ZSCAN2: variants seen among roughly 807,000 people sequenced by gnomAD.
ZSCAN2 encodes the protein zinc finger and SCAN domain containing 2.
A neutral mutation model predicts 47.8 loss-of-function variants in ZSCAN2; 26 were observed. That is an observed-to-expected ratio of 0.54 (90% CI 0.40 to 0.75). The LOEUF (loss-of-function observed/expected upper bound fraction) is 0.75. Among genes scored for constraint, ZSCAN2 ranks in the 30% least tolerant of loss-of-function variants. The pLI is 0.00. For synonymous variants in ZSCAN2, 305 were observed against 288.7 expected (o/e 1.06, Z -0.57); for missense variants, 732 against 785.4 (o/e 0.93, Z 0.81).
Position 84,619,303 on chromosome 15 carries a change from G to A in ZSCAN2, c.407-1299G>A, listed in dbSNP as rs563042680. The stretch of plus-strand genomic sequence containing the variant: ...AAATTAGCCGGGTGTGGTGGTGGGC[G>A]CCTGTAGTCCCAGCTACTCGGGAGG... On this transcript the variant is annotated intron_variant, in intron 2 of 2. Coordinates refer to ENST00000546148, the MANE Select transcript of ZSCAN2 (RefSeq NM_181877.4). 1.2e-4 allele frequency among the ~76,000 whole-genome samples: 18 copies of A among 152,124 alleles called. No homozygotes were observed. The South Asian group carries it at 2.1e-3, about 18-fold the overall frequency.
At chr15:84,612,578 CA>C (rs1233866161) in intron 2 of ZSCAN2, among the ~76,000 whole-genome samples, 14 of 151,748 alleles carry the variant, frequency 9.2e-5, no homozygotes, top group African/African-American at 2.9e-4. Flanking sequence ...ACTAAAAATA[CA>C]AAAAAATTAG....
intron 2 of ZSCAN2, among the ~76,000 whole-genome samples, chr15:84,604,894 C>T (rs757912689): frequency 7.9e-5 from 12 of 152,086 alleles, no homozygotes; most frequent in Admixed American, 4.6e-4. Flanking sequence ...TGCGCCACCA[C>T]GCCCGGCTAA....
chr15:84,615,204 T>G (rs1007837707), intron 2 of ZSCAN2, among the ~76,000 whole-genome samples: 1 of 152,204 alleles, frequency 6.6e-6, no homozygotes, highest in Non-Finnish European at 1.5e-5. Context: ...TCCGCCTGCC[T>G]CAGCCCCCCA....
intron 2 of ZSCAN2, among the ~76,000 whole-genome samples, chr15:84,612,746 A>G (rs1302285141): frequency 6.6e-6 from 1 of 152,144 alleles, no homozygotes; most frequent in Non-Finnish European, 1.5e-5. Context: ...AAAGAAAAAA[A>G]AAAGGGGGAA....
chr15:84,614,568 G>A (rs930856655), intron 2 of ZSCAN2: 1 of 152,148 alleles, frequency 6.6e-6, no homozygotes, highest in Non-Finnish European at 1.5e-5. Flanking sequence ...ATTAATTTGT[G>A]TATGTTCAAA....
Position 84,621,101 on chromosome 15 carries a change from G to C in ZSCAN2, c.906G>C (p.Gly302=). ...TAACCCACCAGAGGATCCACACGGG[G>C]GAAAAGCCCTTCCAGTGTGCCGAGT... ...NLITHQRIHT[G]EKPFQCAECG... Residue 302 remains glycine, a synonymous_variant, in exon 3 of 3, where the codon GGG becomes GGC. Transcript: ENST00000546148. This position sits in a 1 kb window ranked among gnomAD's most constrained non-coding sequence, Gnocchi z 5.7. 6.2e-7 allele frequency: 1 copy of C among 1,613,444 alleles called. No homozygotes were observed. Among genetic ancestry groups the C allele is most frequent in the Non-Finnish European group, 8.5e-7 (1 of 1,179,748 alleles).
chr15:84,616,733 G>C, intron 2 of ZSCAN2: 1 of 990,696 alleles, frequency 1.0e-6, no homozygotes, highest in Non-Finnish European at 1.2e-6. Flanking sequence ...AATGTTTTTG[G>C]TCATGTTAGT....
intron 2 of ZSCAN2, among the ~76,000 whole-genome samples, chr15:84,607,654 G>T (rs1470632554): frequency 6.6e-6 from 1 of 152,014 alleles, no homozygotes; most frequent in African/African-American, 2.4e-5. Flanking sequence ...GATTACAGGT[G>T]CGTGCTACCG....
rs533589361 is a variant in ZSCAN2 at position 84,610,766 on chromosome 15, C to T, written c.406+6433C>T. Among the ~76,000 whole-genome samples, 10 of 152,140 alleles carry T rather than the reference C, an allele frequency of 6.6e-5. No homozygotes were observed. The East Asian group carries it at 1.7e-3, about 26-fold the overall frequency. On this transcript the variant is annotated intron_variant, in intron 2 of 2. Transcript: ENST00000546148. ...CCTCCCAAGGTGCAGGGATTACAGG[C>T]GTGAGCCACTGCACCCAGCCAAAAC... is the stretch of plus-strand genomic sequence containing the variant.
In ZSCAN2 at chr15:84,620,905, T is replaced by C; in HGVS notation, c.710T>C (p.Leu237Pro). ...AAGACCTTCAGCCGGAAATCCCACCTCATCACACACGAGAGGACCCACACA... is the reference window on the plus strand; with the variant it reads ...AAGACCTTCAGCCGGAAATCCCACCCCATCACACACGAGAGGACCCACACA... The part of the protein sequence containing the change: ...CGKTFSRKSH[L>P]ITHERTHTGE... The change falls in exon 3 of 3, where the codon CTC becomes CCC. Residue 237 changes from leucine (L) to proline (P), a missense_variant. Leu to Pro is a moderately conservative substitution (Grantham distance 98). Coordinates refer to ENST00000546148, the MANE Select transcript of ZSCAN2 (RefSeq NM_181877.4). 1 of 1,614,104 alleles carries C rather than the reference T, an allele frequency of 6.2e-7. No homozygotes were observed. The highest frequency in any genetic ancestry group is 1.3e-5 in the African/African-American group (1 of 75,010).
At chr15:84,601,259 C>A (rs114775357) in intron 1 of ZSCAN2, 124 bp downstream of exon 1, 5 of 152,250 alleles carry the variant, frequency 3.3e-5, no homozygotes, top group Admixed American at 2.0e-4. Context: ...GGTCGCGCTC[C>A]GTATCCTGCG....
Position 84,620,768 on chromosome 15 carries a change from C to G in ZSCAN2, c.573C>G (p.Ser191Arg). The G allele has an allele frequency of 6.2e-7, 1 of 1,614,126 alleles. No individual in the cohort carries two copies. The highest frequency in any genetic ancestry group is 1.3e-5 in the African/African-American group (1 of 75,024). Reference sequence around the variant, plus strand: ...GCATCCAGAGGCTCCAGGGACACAGCCCAGGTGAGGACCACGGGGAGGTGG... The same window carrying G: ...GCATCCAGAGGCTCCAGGGACACAGGCCAGGTGAGGACCACGGGGAGGTGG... ...DAGIQRLQGH[S>R]PGEDHGEVVS... Residue 191 changes from serine to arginine, a missense_variant, in exon 3 of 3, where the codon AGC becomes AGG. Physicochemically the swap from Ser to Arg is moderately radical, Grantham distance 110. Coordinates refer to ENST00000546148, the MANE Select transcript of ZSCAN2 (RefSeq NM_181877.4).
chr15:84,601,577 G>C (rs912184060), intron 1 of ZSCAN2, among the ~76,000 whole-genome samples: 6 of 152,088 alleles, frequency 3.9e-5, no homozygotes, highest in Non-Finnish European at 7.4e-5. Flanking sequence ...GTAAATACAC[G>C]TTGAGAGCTT....
At chr15:84,608,191 A>G (rs999786514) in intron 2 of ZSCAN2, among the ~76,000 whole-genome samples, 1 of 151,262 alleles carries the variant, frequency 6.6e-6, no homozygotes, top group Admixed American at 6.6e-5. Context: ...CTCTCCCTTC[A>G]GTATCATGAA....
At position 84,620,841 on chromosome 15, in the gene ZSCAN2, T is replaced by C. The variant is rs1596038209; in HGVS notation, c.646T>C (p.Tyr216His). Residue 216 changes from tyrosine (Y) to histidine (H), a missense_variant, in exon 3 of 3, where the codon TAC becomes CAC. Transcript: ENST00000546148. ...VGQLIGLQGT[Y>H]LGEKPYECPQ... ...CCAGCTCATAGGCCTGCAGGGCACCTACCTAGGGGAGAAGCCCTACGAATG... is the reference window on the plus strand; with the variant it reads ...CCAGCTCATAGGCCTGCAGGGCACCCACCTAGGGGAGAAGCCCTACGAATG... The C allele has an allele frequency of 6.2e-7, 1 of 1,614,188 alleles. No individual in the cohort carries two copies. The highest frequency in any genetic ancestry group is 8.5e-7 in the Non-Finnish European group (1 of 1,180,036).
At chr15:84,618,189 G>A (rs533801288) in intron 2 of ZSCAN2, among the ~76,000 whole-genome samples, 6 of 152,116 alleles carry the variant, frequency 3.9e-5, no homozygotes, top group East Asian at 1.9e-4. Context: ...AGGCCCAGGC[G>A]GGCGGATCAC....
At position 84,621,226 on chromosome 15, in the gene ZSCAN2, G is replaced by A; in HGVS notation, c.1031G>A (p.Gly344Asp). The change falls in exon 3 of 3, where the codon GGC becomes GAC. Residue 344 changes from glycine (G) to aspartate (D), a missense_variant. Around this residue, in one of 2 missense-constraint regions of ZSCAN2, gnomAD observed 412 missense variants for 498.0 expected, o/e 0.83. Transcript: ENST00000546148. This position sits in a 1 kb window ranked among gnomAD's most constrained non-coding sequence, Gnocchi z 5.7. ...YSCPECGKSF[G>D]NRSSLNTHQG... ...TGCCCCGAGTGTGGAAAGAGCTTTG[G>A]CAACCGATCCAGCCTTAACACGCAT... 2.5e-6 allele frequency: 4 copies of A among 1,614,096 alleles called. No homozygotes were observed. Among genetic ancestry groups the A allele is most frequent in the Non-Finnish European group, 3.4e-6 (4 of 1,180,012 alleles).
intron 2 of ZSCAN2, among the ~76,000 whole-genome samples, chr15:84,612,609 C>G (rs1448190272): frequency 6.6e-6 from 1 of 152,172 alleles, no homozygotes; most frequent in Non-Finnish European, 1.5e-5. Context: ...GTGTCCGGCG[C>G]CTGTAGTCCC....
At chr15:84,602,591 T>C (rs562058298) in intron 1 of ZSCAN2, among the ~76,000 whole-genome samples, 7 of 146,032 alleles carry the variant, frequency 4.8e-5, no homozygotes, top group African/African-American at 1.3e-4. Context: ...TCTTTTCTTT[T>C]TTTTTTTTTT....
Sources: gnomAD v4.1 joint callset for allele counts (sites outside exome capture counted in the v4.1 genomes callset) on GRCh38, gnomAD v4.1.1 for gene constraint, gnomAD v4.1.1 regional missense constraint, Gnocchi (gnomAD v3.1) non-coding constraint, MANE v1.5 for transcripts, NCBI Gene and HGNC (gene_info 2026-07-23, HGNC 2026-07-21) for gene names.